The following TMEM255A variants were observed in gnomAD, a reference collection of about 807,000 sequenced individuals.
TMEM255A encodes the protein transmembrane protein 255A.
A neutral mutation model predicts 23.5 loss-of-function variants in TMEM255A; 14 were observed. The ratio of observed to expected loss-of-function variants is 0.60; its 90% CI spans 0.39 to 0.93. The LOEUF (loss-of-function observed/expected upper bound fraction) is 0.93. TMEM255A is among the 40% of genes least tolerant of loss of function. The pLI is 0.00. For synonymous variants in TMEM255A, 104 were observed against 100.3 expected, an observed-to-expected ratio of 1.04 and a Z score of -0.22; for missense variants, 233 against 261.7, an observed-to-expected ratio of 0.89 and a Z score of 0.76.
At chrX:120,307,541 C>T (rs930077494) in intron 1 of TMEM255A, among the ~76,000 whole-genome samples, 4 of 112,360 alleles carry the variant, frequency 3.6e-5, no homozygotes, top group East Asian at 5.6e-4. Flanking sequence ...AATAAACAAT[C>T]GGTACTTGTT....
At chrX:120,307,957 C>A (rs2058075100) in intron 1 of TMEM255A, among the ~76,000 whole-genome samples, 2 of 111,618 alleles carry the variant, frequency 1.8e-5, no homozygotes, top group Non-Finnish European at 3.8e-5. Flanking sequence ...CAATTATTTG[C>A]TATCTCCACC....
At chrX:120,283,602 A>AT (rs1392304999) in intron 6 of TMEM255A, among the ~76,000 whole-genome samples, 7 of 111,607 alleles carry the variant, frequency 6.3e-5, no homozygotes, top group African/African-American at 2.3e-4. Context: ...TCTGAAGGAA[A>AT]TACGTGCATG....
chrX:120,274,711 CTTTG>C (rs1449190611), intron 7 of TMEM255A, among the ~76,000 whole-genome samples: 3 of 112,010 alleles, frequency 2.7e-5, no homozygotes, highest in Admixed American at 9.4e-5. Context: ...TAGCCTATTC[CTTTG>C]TTTAATACAC....
At chrX:120,254,220 G>A, downstream of TMEM255A, 1 of 1,211,817 alleles carries the variant, frequency 8.3e-7, no homozygotes, top group Non-Finnish European at 1.1e-6. Context: ...AAAATTGTTG[G>A]TATCTTCAGC....
At chrX:120,296,143 A>G in intron 2 of TMEM255A, among the ~76,000 whole-genome samples, 1 of 112,044 alleles carries the variant, frequency 8.9e-6, no homozygotes, top group East Asian at 2.8e-4. Context: ...TTAACAATTC[A>G]TCAGCTTCCA....
chrX:120,290,054 T>C (rs2057904257), intron 4 of TMEM255A, among the ~76,000 whole-genome samples: 1 of 111,603 alleles, frequency 9.0e-6, no homozygotes, highest in African/African-American at 3.3e-5. Context: ...CTAAAGGGTA[T>C]GGGATTTCTT....
At position 120,304,409 on chromosome X, in the gene TMEM255A, G is replaced by C. The variant is rs142575656; in HGVS notation, c.141C>G (p.Gly47=). The C allele has an allele frequency of 3.9e-5, 47 of 1,208,398 alleles. No homozygotes were observed. In the African/African-American group the frequency reaches 7.9e-4, roughly 20 times the overall value. The stretch of plus-strand genomic sequence containing the variant: ...TCTGGGTCCTGGTGGTTGCAGCAAG[G>C]CCCACTGTGAGAATTAACACGGACA... ...LIVSVLILTV[G]LAATTRTQNV... Residue 47 remains glycine, a synonymous_variant, in exon 2 of 9, where the codon GGC becomes GGG. Transcript: ENST00000371369.
chrX:120,305,316 AT>A (rs781929175), intron 1 of TMEM255A, among the ~76,000 whole-genome samples: 5 of 109,685 alleles, frequency 4.6e-5, no homozygotes, highest in African/African-American at 1.7e-4. Context: ...TTTTTAATTT[AT>A]TTTTTTTTAA....
intron 7 of TMEM255A, among the ~76,000 whole-genome samples, chrX:120,270,463 T>C (rs1210207232): frequency 1.9e-5 from 2 of 107,794 alleles, no homozygotes; most frequent in Non-Finnish European, 3.8e-5. Context: ...TGGACAAAAC[T>C]GAGTCTATTC....
chrX:120,260,957 G>C lies in TMEM255A; in HGVS notation c.891C>G (p.Pro297=), dbSNP rs1396215812. ...GTGCACTTGAGGACCACATGTAGCT[G>C]GGTGAGGGAGAGGCAGACTGGGGCT... ...SDEPQSASPS[P]SYMWSSSAPP... The change falls in exon 9 of 9, where the codon CCC becomes CCG. Residue 297 remains proline, a synonymous_variant. Transcript: ENST00000371369. 8.4e-7 allele frequency: 1 copy of C among 1,196,605 alleles called. No individual in the cohort carries two copies. Among genetic ancestry groups the C allele is most frequent in the Non-Finnish European group, 1.1e-6 (1 of 890,946 alleles).
At chrX:120,270,203 T>C (rs1394211691) in intron 7 of TMEM255A, among the ~76,000 whole-genome samples, 2 of 111,308 alleles carry the variant, frequency 1.8e-5, no homozygotes, top group East Asian at 5.6e-4. Flanking sequence ...TGGGCCAAAA[T>C]AGTGGTCTGG....
rs2057672721 is a variant in TMEM255A at position 120,260,739 on chromosome X, T to G, written c.*131A>C. 4 of 922,487 alleles carry G rather than the reference T, an allele frequency of 4.3e-6. No homozygotes were observed. In the South Asian group the frequency reaches 7.7e-5, roughly 18 times the overall value. 76.0% of individuals were successfully genotyped at this position (922,487 alleles called of 1,213,427 possible). A position where few individuals can be genotyped will look rare whatever the true frequency, so the allele number is the denominator to read the frequency against. ...AATGAATAAGCTTCGTCCCTATCTT[T>G]CCCTAGCCTGGCAGGCCATTGTAAA... On this transcript the variant is annotated 3_prime_UTR_variant, in exon 9 of 9. Transcript: ENST00000371369.
intron 7 of TMEM255A, among the ~76,000 whole-genome samples, chrX:120,274,679 T>C (rs1473359557): frequency 8.9e-6 from 1 of 112,071 alleles, no homozygotes; most frequent in Non-Finnish European, 1.9e-5. Flanking sequence ...TAACTCAAAG[T>C]ATAAACACCT....
At chrX:120,261,804 C>G (rs989805163) in intron 8 of TMEM255A, among the ~76,000 whole-genome samples, 1 of 111,479 alleles carries the variant, frequency 9.0e-6, no homozygotes, top group Non-Finnish European at 1.9e-5. Context: ...TCATTTGCCC[C>G]TTTCTCTCCC....
chrX:120,264,955 A>G (rs1218293402), intron 8 of TMEM255A, among the ~76,000 whole-genome samples: 2 of 102,023 alleles, frequency 2.0e-5, no homozygotes, highest in Admixed American at 2.2e-4. Context: ...TCGGCTCACC[A>G]CAACCTCCAC....
intron 7 of TMEM255A, among the ~76,000 whole-genome samples, chrX:120,271,241 G>C (rs1320883029): frequency 1.8e-5 from 2 of 111,763 alleles, no homozygotes; most frequent in Non-Finnish European, 3.8e-5. Context: ...AACCAGAAAG[G>C]GCTACCCAAA....
chrX:120,307,052 T>C (rs1460359657), intron 1 of TMEM255A, among the ~76,000 whole-genome samples: 1 of 112,302 alleles, frequency 8.9e-6, no homozygotes, highest in East Asian at 2.8e-4. Flanking sequence ...TCCTTCCCTG[T>C]CACCACTTAT....
intron 5 of TMEM255A, among the ~76,000 whole-genome samples, chrX:120,286,888 A>G (rs1357212119): frequency 9.0e-6 from 1 of 110,970 alleles, no homozygotes; most frequent in Non-Finnish European, 1.9e-5. Context: ...CCCCCTGAGG[A>G]TCAAAGCCAC....
chrX:120,254,353 A>C (rs782285850), downstream of TMEM255A: 7 of 1,209,978 alleles, frequency 5.8e-6, no homozygotes. Context: ...GTGCAGAATC[A>C]GCAGACACCA....
Sources: gnomAD v4.1 joint callset for allele counts (sites outside exome capture counted in the v4.1 genomes callset) on GRCh38, gnomAD v4.1.1 for gene constraint, MANE v1.5 for transcripts, NCBI Gene and HGNC (gene_info 2026-07-23, HGNC 2026-07-21) for gene names.